UBE2G1: variants seen among roughly 807,000 people sequenced by gnomAD.
UBE2G1 encodes the protein ubiquitin conjugating enzyme E2 G1.
Under a neutral mutation model 22.7 loss-of-function variants are expected in UBE2G1, and 5 were observed. The ratio of observed to expected loss-of-function variants is 0.22; its 90% CI spans 0.12 to 0.46. UBE2G1 has a LOEUF of 0.46. Among genes scored for constraint, UBE2G1 ranks in the 20% least tolerant of loss-of-function variants. The probability of loss-of-function intolerance (pLI) is 0.99; values close to 1 mark genes in which losing one functional copy is unlikely to be tolerated. For missense variants in UBE2G1, 88 were observed against 203.9 expected (o/e 0.43, Z 3.46); for synonymous variants, 74 against 67.5 (o/e 1.10, Z -0.47).
intron 1 of UBE2G1, among the ~76,000 whole-genome samples, chr17:4,330,741 TAAATA>T (rs1969564807): frequency 6.6e-6 from 1 of 151,632 alleles, no homozygotes; most frequent in Non-Finnish European, 1.5e-5. Flanking sequence ...CCATCTCAAA[TAAATA>T]AAATATATTT....
intron 3 of UBE2G1, among the ~76,000 whole-genome samples, chr17:4,294,827 CAGG>C (rs1969089438): frequency 6.6e-6 from 1 of 152,022 alleles, no homozygotes; most frequent in African/African-American, 2.4e-5. Context: ...CACTTGAGCC[CAGG>C]AGGTCAAGGC....
At chr17:4,324,860 G>A (rs1407104689) in intron 1 of UBE2G1, among the ~76,000 whole-genome samples, 3 of 152,086 alleles carry the variant, frequency 2.0e-5, no homozygotes, top group Non-Finnish European at 2.9e-5. Context: ...GGCGGATCAC[G>A]AGGTCAGGAG....
At chr17:4,359,054 T>C (rs1014535903) in intron 1 of UBE2G1, among the ~76,000 whole-genome samples, 4 of 152,102 alleles carry the variant, frequency 2.6e-5, no homozygotes, top group African/African-American at 9.6e-5. Context: ...TACATAAGAA[T>C]ATGATAATGT....
At chr17:4,365,419 G>T (rs912777444) in intron 1 of UBE2G1, among the ~76,000 whole-genome samples, 1 of 152,200 alleles carries the variant, frequency 6.6e-6, no homozygotes, top group African/African-American at 2.4e-5. Flanking sequence ...CCTGGAAGCC[G>T]CAAACGGCCG....
At chr17:4,298,203 T>C (rs1261757674) in intron 2 of UBE2G1, among the ~76,000 whole-genome samples, 1 of 152,202 alleles carries the variant, frequency 6.6e-6, no homozygotes, top group African/African-American at 2.4e-5. Flanking sequence ...CTCATGCCTG[T>C]AATTCTAGCT....
chr17:4,361,550 T>C (rs1969966843), intron 1 of UBE2G1, among the ~76,000 whole-genome samples: 1 of 151,196 alleles, frequency 6.6e-6, no homozygotes, highest in Admixed American at 6.6e-5. Flanking sequence ...TAAAATAAAA[T>C]AAATATATAA....
intron 1 of UBE2G1, among the ~76,000 whole-genome samples, chr17:4,338,885 G>C (rs941453869): frequency 6.6e-6 from 1 of 152,162 alleles, no homozygotes; most frequent in African/African-American, 2.4e-5. Flanking sequence ...CAAGGAAGGG[G>C]CAAGTATCTT....
intron 1 of UBE2G1, among the ~76,000 whole-genome samples, chr17:4,359,851 C>CAAAAAAAAAAAAAAACAAAAA (rs1969946724): frequency 9.3e-6 from 1 of 107,512 alleles, no homozygotes. Context: ...GGCTCCATCT[C>CAAAAAAAAAAAAAAACAAAAA]AAAAAAAAAA....
intron 1 of UBE2G1, among the ~76,000 whole-genome samples, chr17:4,345,470 G>A (rs1268514779): frequency 6.6e-6 from 1 of 152,080 alleles, no homozygotes; most frequent in Non-Finnish European, 1.5e-5. Context: ...CTTATTTCCA[G>A]TAACTTACAA....
At chr17:4,294,619 T>C (rs963604880) in intron 3 of UBE2G1, among the ~76,000 whole-genome samples, 1 of 152,086 alleles carries the variant, frequency 6.6e-6, no homozygotes, top group South Asian at 2.1e-4. Flanking sequence ...TTTTCACAGA[T>C]AGAAAACATA....
chr17:4,321,225 ATAAAC>A (rs925217373), intron 1 of UBE2G1, among the ~76,000 whole-genome samples: 1 of 152,216 alleles, frequency 6.6e-6, no homozygotes, highest in African/African-American at 2.4e-5. Context: ...AATATAAACT[ATAAAC>A]TGAACTGTAA....
At chr17:4,346,771 C>G (rs1969780716) in intron 1 of UBE2G1, among the ~76,000 whole-genome samples, 1 of 151,944 alleles carries the variant, frequency 6.6e-6, no homozygotes. Flanking sequence ...GAAAGGAAGA[C>G]AGAGGAAACT....
intron 1 of UBE2G1, among the ~76,000 whole-genome samples, chr17:4,310,821 AG>A (rs750939520): frequency 6.6e-6 from 1 of 152,210 alleles, no homozygotes; most frequent in Admixed American, 6.5e-5. Context: ...TCGAGTATAT[AG>A]TAGTCGAAAC....
chr17:4,322,694 CATTT>C (rs1969455552), intron 1 of UBE2G1, among the ~76,000 whole-genome samples: 1 of 152,228 alleles, frequency 6.6e-6, no homozygotes, highest in South Asian at 2.1e-4. Context: ...GGAAGTAATG[CATTT>C]ATTTAAAGGC....
intron 1 of UBE2G1, among the ~76,000 whole-genome samples, chr17:4,314,085 A>T (rs1337845108): frequency 6.6e-6 from 1 of 152,200 alleles, no homozygotes; most frequent in African/African-American, 2.4e-5. Flanking sequence ...ATTGCTTTCA[A>T]ATATATAGTT....
chr17:4,318,009 T>C (rs1294041006), intron 1 of UBE2G1, among the ~76,000 whole-genome samples: 1 of 152,156 alleles, frequency 6.6e-6, no homozygotes, highest in South Asian at 2.1e-4. Flanking sequence ...CAATGGAAAA[T>C]TTGGGCACAG....
intron 4 of UBE2G1, among the ~76,000 whole-genome samples, chr17:4,284,183 GA>G (rs1284198932): frequency 1.4e-5 from 2 of 147,458 alleles, no homozygotes; most frequent in African/African-American, 2.5e-5. Flanking sequence ...AAGAGGGCCT[GA>G]AAATAGAGAT....
intron 2 of UBE2G1, among the ~76,000 whole-genome samples, chr17:4,297,416 T>G (rs1176009967): frequency 6.6e-6 from 1 of 152,230 alleles, no homozygotes; most frequent in Admixed American, 6.5e-5. Context: ...ACTGTAATGC[T>G]GGAGATGTTC....
At chr17:4,286,947 A>C (rs538614981) in intron 4 of UBE2G1, among the ~76,000 whole-genome samples, 111 of 152,246 alleles carry the variant, frequency 7.3e-4, no homozygotes, top group Admixed American at 2.6e-3. Flanking sequence ...TGGGAGGCTA[A>C]GGCAGGAGAA....
Sources: gnomAD v4.1 joint callset for allele counts (sites outside exome capture counted in the v4.1 genomes callset) on GRCh38, gnomAD v4.1.1 for gene constraint, MANE v1.5 for transcripts, NCBI Gene and HGNC (gene_info 2026-07-23, HGNC 2026-07-21) for gene names.